The following OVCH1 variants were observed in gnomAD, a reference collection of about 807,000 sequenced individuals.
The protein encoded by OVCH1 is ovochymase 1.
Under a neutral mutation model 138.4 loss-of-function variants are expected in OVCH1, and 139 were observed. That is an observed-to-expected ratio of 1.00 (90% CI 0.87 to 1.16). The LOEUF is 1.16. OVCH1 is among the 50% of genes most tolerant of loss of function. The pLI, the probability that OVCH1 is intolerant of heterozygous loss-of-function variation, is 0.00. For synonymous variants in OVCH1, 453 were observed against 467.8 expected (o/e 0.97, Z 0.41); for missense variants, 1,367 against 1,357.9 (o/e 1.01, Z -0.11).
chr12:29,438,920 G>A (rs1272285417), intron 26 of OVCH1, among the ~76,000 whole-genome samples: 3 of 152,110 alleles, frequency 2.0e-5, no homozygotes, highest in Non-Finnish European at 4.4e-5. Flanking sequence ...GTCAAGCATT[G>A]ACTTAACCCT....
chr12:29,482,043 T>C (rs1942952049), intron 8 of OVCH1, among the ~76,000 whole-genome samples: 1 of 152,242 alleles, frequency 6.6e-6, no homozygotes, highest in Non-Finnish European at 1.5e-5. Flanking sequence ...ACAGTCTATC[T>C]GCAACCCAGT....
intron 8 of OVCH1, among the ~76,000 whole-genome samples, chr12:29,485,631 G>A (rs530026521): frequency 4.3e-4 from 66 of 152,108 alleles, no homozygotes; most frequent in African/African-American, 1.3e-3. Context: ...AAAATTAGCC[G>A]GGCGTGGTGG....
At chr12:29,485,798 C>T (rs1163365388) in intron 8 of OVCH1, among the ~76,000 whole-genome samples, 1 of 150,104 alleles carries the variant, frequency 6.7e-6, no homozygotes, top group African/African-American at 2.5e-5. Flanking sequence ...AAAAAATTAG[C>T]TGGGTGTGGT....
chr12:29,402,802 A>G, the OVCH1 span, among the ~76,000 whole-genome samples: 4 of 152,074 alleles, frequency 2.6e-5, no homozygotes, highest in Admixed American at 2.6e-4. Flanking sequence ...GGGGGAATGT[A>G]AAAGGGAACA....
At chr12:29,411,206 T>C (rs1252720065), downstream of OVCH1, among the ~76,000 whole-genome samples, 3 of 110,538 alleles carry the variant, frequency 2.7e-5, no homozygotes, top group African/African-American at 8.0e-5. Flanking sequence ...TATACATTCG[T>C]CTAAATTTTT....
downstream of OVCH1, among the ~76,000 whole-genome samples, chr12:29,411,103 CCTGAGGCTTCTGCAT>C (rs1940949284): frequency 9.0e-6 from 1 of 111,510 alleles, no homozygotes; most frequent in African/African-American, 2.7e-5. Flanking sequence ...CGCATCAGCT[CCTGAGGCTTCTGCAT>C]TCTTCCCGTA....
downstream of OVCH1, among the ~76,000 whole-genome samples, chr12:29,425,111 C>T (rs1941161012): frequency 6.6e-6 from 1 of 152,082 alleles, no homozygotes; most frequent in African/African-American, 2.4e-5. Context: ...TCCCTGTGAA[C>T]AGACAGCAAA....
chr12:29,431,857 C>A (rs1217515258), intron 27 of OVCH1, among the ~76,000 whole-genome samples: 1 of 152,172 alleles, frequency 6.6e-6, no homozygotes, highest in African/African-American at 2.4e-5. Flanking sequence ...CCTGAGTTAA[C>A]CCCTACTCAT....
intron 3 of OVCH1, among the ~76,000 whole-genome samples, chr12:29,414,525 G>T (rs11837482): frequency 1.1e-4 from 17 of 152,288 alleles, no homozygotes; most frequent in Non-Finnish European, 2.2e-4. Flanking sequence ...CTGGAAAGTA[G>T]AATTGCTGGG....
At chr12:29,465,711 A>G (rs1728673562) in intron 16 of OVCH1, among the ~76,000 whole-genome samples, 1 of 152,086 alleles carries the variant, frequency 6.6e-6, no homozygotes, top group Non-Finnish European at 1.5e-5. Context: ...CTTTCTTTTG[A>G]CCATAAAGTA....
chr12:29,428,409 C>A (rs1430906138), intron 27 of OVCH1, among the ~76,000 whole-genome samples: 1 of 152,128 alleles, frequency 6.6e-6, no homozygotes, highest in Non-Finnish European at 1.5e-5. Context: ...CATGGTTTTC[C>A]ATGGTGTGTA....
At chr12:29,411,535 G>T (rs1940956035), downstream of OVCH1, among the ~76,000 whole-genome samples, 1 of 152,042 alleles carries the variant, frequency 6.6e-6, no homozygotes, top group Non-Finnish European at 1.5e-5. Flanking sequence ...AGGACTCTCA[G>T]CTGCAGGTCT....
chr12:29,458,771 G>T (rs1401500706), intron 19 of OVCH1, among the ~76,000 whole-genome samples: 1 of 152,018 alleles, frequency 6.6e-6, no homozygotes, highest in African/African-American at 2.4e-5. Context: ...AATATTTAAG[G>T]AGCTCAAATA....
At chr12:29,470,968 AG>A (rs2136004848) in intron 16 of OVCH1, among the ~76,000 whole-genome samples, 1 of 152,300 alleles carries the variant, frequency 6.6e-6, no homozygotes, top group Admixed American at 6.5e-5. Context: ...TCTAATGACC[AG>A]TGATATTGAG....
rs570065575 is a variant in OVCH1, at chr12:29,437,916, ATAAATT to A, written c.3264+1406_3264+1411del. Among the ~76,000 whole-genome samples, 464 of 152,310 alleles carry A rather than the reference ATAAATT, an allele frequency of 3.0e-3. 2 individuals are homozygous for A. Among genetic ancestry groups the A allele is most frequent in the African/African-American group, 0.011 (449 of 41,582 alleles). On this transcript the variant is annotated intron_variant, in intron 26 of 27. Coordinates refer to ENST00000318184, the Ensembl canonical transcript of OVCH1. ...ACTAAGTCAAAGGTATCTAGGTTCT[ATAAATT>A]TATTTTACAGATTTTAGCTTTTCTA...
intron 3 of OVCH1, 93 bp downstream of exon 3, chr12:29,496,088 G>C: frequency 8.7e-7 from 1 of 1,148,932 alleles, no homozygotes; most frequent in Non-Finnish European, 1.3e-6. Context: ...GTAAGAAAGG[G>C]ACTGAGAATG....
At chr12:29,485,341 A>T (rs34938405) in intron 8 of OVCH1, among the ~76,000 whole-genome samples, 1 of 146,356 alleles carries the variant, frequency 6.8e-6, no homozygotes, top group Non-Finnish European at 1.5e-5. Flanking sequence ...AAAAAAAAAA[A>T]GATGTCAAAT....
At chr12:29,410,108 T>A (rs1940934177), downstream of OVCH1, among the ~76,000 whole-genome samples, 1 of 151,914 alleles carries the variant, frequency 6.6e-6, no homozygotes, top group African/African-American at 2.4e-5. Context: ...AAAGTCTGTT[T>A]TATCAGAGAC....
chr12:29,479,824 C>CTTTTTTTTTT (rs34551074), intron 8 of OVCH1, among the ~76,000 whole-genome samples: 9 of 128,404 alleles, frequency 7.0e-5, no homozygotes, highest in East Asian at 2.3e-4. Flanking sequence ...TCTTTTTTTT[C>CTTTTTTTTTT]TTTTTTTTTT....
Sources: allele counts gnomAD v4.1 joint callset (sites outside exome capture counted in the v4.1 genomes callset), GRCh38; gene constraint gnomAD v4.1.1; transcripts MANE v1.5; gene names NCBI Gene and HGNC (gene_info 2026-07-23, HGNC 2026-07-21).